Variants in THRB observed in about 807,000 individuals in gnomAD.
THRB encodes nuclear receptor subfamily 1 group A member 2.
THRB carries 12 observed loss-of-function variants against 47.8 expected under a neutral mutation model. The ratio of observed to expected loss-of-function variants is 0.25; its 90% CI spans 0.16 to 0.41. THRB has a LOEUF of 0.41. Ranked by LOEUF, THRB falls within the 10% of genes least tolerant of loss-of-function variation. The pLI is 1.00. For missense variants in THRB, 348 were observed against 589.2 expected (o/e 0.59, Z 4.24); for synonymous variants, 218 against 212.2 (o/e 1.03, Z -0.24).
chr3:24,301,348 G>A (rs2056926605), intron 2 of THRB, among the ~76,000 whole-genome samples: 3 of 152,266 alleles, frequency 2.0e-5, no homozygotes, highest in Admixed American at 1.3e-4. Flanking sequence ...GAGGTTGAGC[G>A]TATTTTCATG....
intron 2 of THRB, among the ~76,000 whole-genome samples, chr3:24,304,042 C>T (rs970357020): frequency 9.8e-6 from 1 of 102,476 alleles, no homozygotes; most frequent in East Asian, 4.4e-4. Flanking sequence ...GAAATTAGCT[C>T]ATATTTTTTT....
chr3:24,154,971 T>C (rs2037589497), intron 5 of THRB, among the ~76,000 whole-genome samples: 1 of 151,932 alleles, frequency 6.6e-6, no homozygotes. Flanking sequence ...TTGGGAGGGG[T>C]CAAAACAAGG....
At chr3:24,382,625 A>G (rs2065801052) in intron 1 of THRB, among the ~76,000 whole-genome samples, 1 of 152,196 alleles carries the variant, frequency 6.6e-6, no homozygotes, top group Non-Finnish European at 1.5e-5. Context: ...ATGTAAGGTC[A>G]GAAAAAGTGT....
intron 3 of THRB, among the ~76,000 whole-genome samples, chr3:24,230,814 G>C (rs912911113): frequency 3.9e-5 from 6 of 152,264 alleles, no homozygotes; most frequent in African/African-American, 1.4e-4. Flanking sequence ...CTAGTAAGAT[G>C]ATTTTTCAGG....
chr3:24,435,865 G>A (rs1257882607), intron 1 of THRB, among the ~76,000 whole-genome samples: 1 of 152,160 alleles, frequency 6.6e-6, no homozygotes, highest in African/African-American at 2.4e-5. Flanking sequence ...AAGAATAGAT[G>A]ATTAGGCCTC....
intron 1 of THRB, chr3:24,484,106 G>A (rs555379193): frequency 6.6e-6 from 1 of 152,338 alleles, no homozygotes; most frequent in East Asian, 1.9e-4. Flanking sequence ...CTGTGGAACA[G>A]AGCCATCAAT....
At chr3:24,319,685 T>C (rs2058353184) in intron 2 of THRB, among the ~76,000 whole-genome samples, 2 of 152,172 alleles carry the variant, frequency 1.3e-5, no homozygotes, top group Non-Finnish European at 2.9e-5. Flanking sequence ...GAGCTTTATA[T>C]GCTTTAGCAT....
chr3:24,438,574 AT>A (rs1422734292), intron 1 of THRB, among the ~76,000 whole-genome samples: 2 of 151,836 alleles, frequency 1.3e-5, no homozygotes, highest in Admixed American at 6.6e-5. Flanking sequence ...AAATGGCATT[AT>A]GAGATCCACG....
chr3:24,341,345 C>T (rs2062640184), intron 1 of THRB, among the ~76,000 whole-genome samples: 1 of 151,248 alleles, frequency 6.6e-6, no homozygotes, highest in African/African-American at 2.4e-5. Flanking sequence ...ATTCTCCTGC[C>T]TCAGCATCCT....
At chr3:24,420,126 T>C (rs947831339) in intron 1 of THRB, among the ~76,000 whole-genome samples, 68 of 151,936 alleles carry the variant, frequency 4.5e-4, no homozygotes, top group African/African-American at 1.6e-3. Context: ...TGGCATGTCA[T>C]AGTGCTTAGC....
At chr3:24,330,673 G>A (rs2061866913) in intron 2 of THRB, among the ~76,000 whole-genome samples, 1 of 152,142 alleles carries the variant, frequency 6.6e-6, no homozygotes, top group African/African-American at 2.4e-5. Flanking sequence ...TGTCAGAACA[G>A]AAATCACAAC....
Position 24,146,793 on chromosome 3 carries a change from A to G in THRB, c.414T>C (p.Asn138=). ...ATTTACAGGAATAGGATGGATGGAGATTTTTCTGAATGGTTCTTCTAAAGA... is the reference window on the plus strand; with the variant it reads ...ATTTACAGGAATAGGATGGATGGAGGTTTTTCTGAATGGTTCTTCTAAAGA... The part of the protein sequence containing the change: ...KGFFRRTIQK[N]LHPSYSCKYE... Residue 138 remains asparagine (N), a synonymous_variant, in exon 7 of 11, where the codon AAT becomes AAC. Coordinates refer to ENST00000646209, the MANE Select transcript of THRB (RefSeq NM_001354712.2). 1 of 1,613,994 alleles carries G rather than the reference A, an allele frequency of 6.2e-7. No homozygotes were observed. Among genetic ancestry groups the G allele is most frequent in the Non-Finnish European group, 8.5e-7 (1 of 1,179,898 alleles).
chr3:24,220,355 G>A (rs2047027270), intron 4 of THRB, among the ~76,000 whole-genome samples: 1 of 152,112 alleles, frequency 6.6e-6, no homozygotes, highest in Non-Finnish European at 1.5e-5. Flanking sequence ...GCTAGGTGTG[G>A]TGGTGAGTTC....
rs376923512 is a variant in THRB at position 24,464,502 on chromosome 3, T to C, written c.-261+30150A>G. ...TTCCATCTAATTACTTTCAAACTTT[T>C]TGAGTTACTATTTTTAGGTCTGATG... On this transcript the variant is annotated intron_variant, in intron 1 of 10. Transcript: ENST00000646209. Among the ~76,000 whole-genome samples the C allele has an allele frequency of 4.9e-4, 74 of 152,302 alleles. 1 individual carries two copies. The highest frequency in any genetic ancestry group is 1.3e-3 in the East Asian group (7 of 5,188).
chr3:24,282,946 C>A (rs927370992), intron 3 of THRB, among the ~76,000 whole-genome samples: 6 of 151,784 alleles, frequency 4.0e-5, no homozygotes, highest in East Asian at 1.9e-4. Context: ...ATAATCAATA[C>A]CTTACCAACG....
At chr3:24,425,875 C>G (rs1056704981) in intron 1 of THRB, among the ~76,000 whole-genome samples, 4 of 152,026 alleles carry the variant, frequency 2.6e-5, no homozygotes, top group Admixed American at 2.0e-4. Context: ...CAAAAATAAC[C>G]TCTACCTCAT....
intron 4 of THRB, among the ~76,000 whole-genome samples, chr3:24,220,774 A>C (rs920668968): frequency 3.3e-5 from 5 of 150,746 alleles, no homozygotes; most frequent in Non-Finnish European, 7.4e-5. Flanking sequence ...TGAAAAAGAC[A>C]AAGAACTTCA....
chr3:24,253,421 A>C (rs911686634), intron 3 of THRB, among the ~76,000 whole-genome samples: 1 of 152,174 alleles, frequency 6.6e-6, no homozygotes, highest in Non-Finnish European at 1.5e-5. Flanking sequence ...CTCTGCCCTC[A>C]CTGAGCTTTT....
At chr3:24,339,358 G>A (rs147755552) in intron 1 of THRB, among the ~76,000 whole-genome samples, 4 of 152,058 alleles carry the variant, frequency 2.6e-5, no homozygotes, top group Non-Finnish European at 4.4e-5. Flanking sequence ...CACAATGACC[G>A]TATGAGGTAA....
Sources: allele counts gnomAD v4.1 joint callset (sites outside exome capture counted in the v4.1 genomes callset), GRCh38; gene constraint gnomAD v4.1.1; transcripts MANE v1.5; gene names NCBI Gene and HGNC (gene_info 2026-07-23, HGNC 2026-07-21).